SLC1A5: variants seen among roughly 807,000 people sequenced by gnomAD.
SLC1A5 encodes solute carrier family 1 member 5.
In SLC1A5, 25 loss-of-function variants were observed where a neutral mutation model predicts 34.9. The observed-to-expected ratio is 0.72, with a 90% CI of 0.52 to 1.00. The LOEUF is 1.00. Among genes scored for constraint, SLC1A5 ranks in the 50% least tolerant of loss-of-function variants. The pLI, the probability that SLC1A5 is intolerant of heterozygous loss-of-function variation, is 0.00. For missense variants in SLC1A5, 637 were observed against 740.0 expected (o/e 0.86, Z 1.61); for synonymous variants, 351 against 341.2 (o/e 1.03, Z -0.32).
chr19:46,787,474 G>A lies in SLC1A5; in HGVS notation c.492C>T (p.Ala164=). Residue 164 remains alanine, a synonymous_variant, in exon 1 of 8, where the codon GCC becomes GCT. Transcript: ENST00000542575. This position sits in a 1 kb window ranked among gnomAD's most constrained non-coding sequence, Gnocchi z 5.2. ...CGGCACTGCCCGCGGCTCCCACGGA[G>A]GCGTTGATGGCGGCGGAGGCGGCGC... ...QPGAASAAIN[A]SVGAAGSAEN... is the part of the protein sequence containing the mutation. 6.3e-7 allele frequency: 1 copy of A among 1,593,444 alleles called. No homozygotes were observed. The highest frequency in any genetic ancestry group is 8.5e-7 in the Non-Finnish European group (1 of 1,170,918).
intron 4 of SLC1A5, among the ~76,000 whole-genome samples, chr19:46,780,095 G>C (rs1472875114): frequency 2.6e-5 from 4 of 152,040 alleles, no homozygotes; most frequent in Non-Finnish European, 5.9e-5. Flanking sequence ...CTCGTGATCT[G>C]CCTGCCTCAG....
intron 7 of SLC1A5, 89 bp from the exon 8 acceptor site, chr19:46,775,836 T>C: frequency 6.0e-6 from 8 of 1,326,416 alleles, no homozygotes; most frequent in South Asian, 1.6e-5. Flanking sequence ...CCTGCCTCTC[T>C]CCCCCTGGAA....
intron 7 of SLC1A5, chr19:46,776,543 T>A (rs993215302): frequency 6.1e-6 from 1 of 163,100 alleles, no homozygotes; most frequent in Admixed American, 5.8e-5. Context: ...AGCTTAATCG[T>A]GATAGCAAAT....
chr19:46,787,552 G>A lies in SLC1A5; in HGVS notation c.414C>T (p.Thr138=). 1 of 1,572,108 alleles carries A rather than the reference G, an allele frequency of 6.4e-7. No individual in the cohort carries two copies. Reference sequence around the variant, plus strand: ...CTCCGAGCGCCGACGCCAGCAGCGTGGTGACCAGGAAAAAGAGCAGCGCCC... The same window carrying A: ...CTCCGAGCGCCGACGCCAGCAGCGTAGTGACCAGGAAAAAGAGCAGCGCCC... ...GAWALLFFLV[T]TLLASALGVG... Residue 138 remains threonine, a synonymous_variant, in exon 1 of 8, where the codon ACC becomes ACT. Coordinates refer to ENST00000542575, the MANE Select transcript of SLC1A5 (RefSeq NM_005628.3). The surrounding 1 kb of genome is among the most constrained non-coding windows in gnomAD (Gnocchi z 5.2).
In SLC1A5 at chr19:46,787,718, G is replaced by A. The variant is rs1429327591; in HGVS notation, c.248C>T (p.Pro83Leu). The A allele has an allele frequency of 1.5e-5, 24 of 1,573,930 alleles. No homozygotes were observed. The highest frequency in any genetic ancestry group is 2.1e-5 in the Non-Finnish European group (24 of 1,164,582). Reference sequence around the variant, plus strand: ...GAAGACGAAGGCGCTCAAGCGCTCCGGGCCCAACGCCAGCGCACCCCCGGC... The same window carrying A: ...GAAGACGAAGGCGCTCAAGCGCTCCAGGCCCAACGCCAGCGCACCCCCGGC... ...SGAGGALALG[P>L]ERLSAFVFPG... The change falls in exon 1 of 8, where the codon CCG becomes CTG. Residue 83 changes from proline to leucine, a missense_variant. Physicochemically the swap from Pro to Leu is moderately conservative, Grantham distance 98. Coordinates refer to ENST00000542575, the MANE Select transcript of SLC1A5 (RefSeq NM_005628.3). This position sits in a 1 kb window ranked among gnomAD's most constrained non-coding sequence, Gnocchi z 5.2.
rs759854931 is a variant in SLC1A5 at position 46,782,560 on chromosome 19, G to A, written c.658-11C>T. 3.1e-6 allele frequency: 5 copies of A among 1,613,686 alleles called. No homozygotes were observed. The highest frequency in any genetic ancestry group is 3.4e-6 in the Non-Finnish European group (4 of 1,179,960). Reference sequence around the variant, plus strand: ...CTGCCCCACGGGCACCTGTGGGCAAGGAACAGATCGGGGTGGAAAGGACAC... The same window carrying A: ...CTGCCCCACGGGCACCTGTGGGCAAAGAACAGATCGGGGTGGAAAGGACAC... On this transcript the variant is annotated splice_polypyrimidine_tract_variant and intron_variant, in intron 3 of 7. Transcript: ENST00000542575.
intron 1 of SLC1A5, chr19:46,784,857 C>CG: frequency 7.2e-7 from 1 of 1,382,076 alleles, no homozygotes; most frequent in Non-Finnish European, 9.3e-7. Context: ...CAGGTCGCCC[C>CG]GGGCCTCAGC....
At chr19:46,777,137 G>A in intron 6 of SLC1A5, 28 bp from the exon 7 acceptor site, 2 of 1,611,390 alleles carry the variant, frequency 1.2e-6, no homozygotes, top group Non-Finnish European at 1.7e-6. Flanking sequence ...AGGTTAGGCA[G>A]ATGCCTGTCT....
At position 46,774,919 on chromosome 19, in the gene SLC1A5, AT is replaced by A. The variant is rs2055070260; in HGVS notation, c.*590del. The A allele has an allele frequency of 1.2e-5, 12 of 985,906 alleles. No individual in the cohort carries two copies. The highest frequency in any genetic ancestry group is 1.4e-5 in the Non-Finnish European group (12 of 829,998). The allele number at this position is 985,906 out of a possible 1,614,324, so 61.1% of individuals were successfully genotyped here. ...ACACTCAATTTTATTGCTAAAAAAA[AT>A]GTCCTCTGGAGTGACAGCAGGTATT... is the stretch of plus-strand genomic sequence containing the variant. On this transcript the variant is annotated 3_prime_UTR_variant, in exon 8 of 8. Coordinates refer to ENST00000542575, the MANE Select transcript of SLC1A5 (RefSeq NM_005628.3).
chr19:46,783,151 G>A (rs1453026908), intron 3 of SLC1A5, among the ~76,000 whole-genome samples: 1 of 152,146 alleles, frequency 6.6e-6, no homozygotes, highest in African/African-American at 2.4e-5. Flanking sequence ...TGCAGAGATA[G>A]GGTCACATTT....
chr19:46,775,798 G>A (rs767323708), intron 7 of SLC1A5, 51 bp from the exon 8 acceptor site: 3 of 1,568,736 alleles, frequency 1.9e-6, no homozygotes, highest in African/African-American at 2.7e-5. Flanking sequence ...GAGGGTGAGA[G>A]GGAAGGAAAG....
At chr19:46,776,726 A>C in intron 7 of SLC1A5, 2 of 439,662 alleles carry the variant, frequency 4.5e-6, no homozygotes, top group Non-Finnish European at 8.1e-6. Flanking sequence ...TGGGATGTGA[A>C]CCTGAGCAGT....
At chr19:46,778,634 G>A (rs776903294) in intron 5 of SLC1A5, 41 bp downstream of exon 5, 4 of 1,373,238 alleles carry the variant, frequency 2.9e-6, no homozygotes, top group South Asian at 1.2e-5. Context: ...ATGCCGCTTA[G>A]CGGATTAAAC....
At position 46,775,088 on chromosome 19, in the gene SLC1A5, C is replaced by G. The variant is rs2055073495; in HGVS notation, c.*422G>C. Reference sequence around the variant, plus strand: ...ACACACACACACACACACACACACACACGTGCACACACACATCCCCCCACA... The same window carrying G: ...ACACACACACACACACACACACACAGACGTGCACACACACATCCCCCCACA... On this transcript the variant is annotated 3_prime_UTR_variant, in exon 8 of 8. Transcript: ENST00000542575. 5 of 1,015,834 alleles carry G rather than the reference C, an allele frequency of 4.9e-6. No individual in the cohort carries two copies. Among genetic ancestry groups the G allele is most frequent in the Non-Finnish European group, 4.7e-6 (4 of 848,792 alleles). 62.9% of individuals were successfully genotyped at this position (1,015,834 alleles called of 1,614,324 possible).
chr19:46,783,100 T>C (rs561054212), intron 3 of SLC1A5, among the ~76,000 whole-genome samples: 1 of 152,246 alleles, frequency 6.6e-6, no homozygotes, highest in Admixed American at 6.5e-5. Flanking sequence ...GACTGGACTT[T>C]CTCCTGAAGG....
Position 46,775,558 on chromosome 19 carries a change from C to A in SLC1A5, c.1578G>T (p.Gly526=). The A allele has an allele frequency of 6.2e-7, 1 of 1,613,962 alleles. No individual in the cohort carries two copies. Among genetic ancestry groups the A allele is most frequent in the Non-Finnish European group, 8.5e-7 (1 of 1,179,912 alleles). Residue 526 remains glycine, a synonymous_variant, in exon 8 of 8, where the codon GGG becomes GGT. Coordinates refer to ENST00000542575, the MANE Select transcript of SLC1A5 (RefSeq NM_005628.3). ...AGGCGACCGTGGCATCCCCTGCGGGCCCCCGATAGTGTTTGAGGAGGGGGT... is the reference window on the plus strand; with the variant it reads ...AGGCGACCGTGGCATCCCCTGCGGGACCCCGATAGTGTTTGAGGAGGGGGT... ...EGNPLLKHYR[G]PAGDATVASE... is the part of the protein sequence containing the mutation.
Position 46,787,680 on chromosome 19 carries a change from G to T in SLC1A5, c.286C>A (p.Leu96Met). 6.3e-7 allele frequency: 1 copy of T among 1,592,614 alleles called. No individual in the cohort carries two copies. ...LSAFVFPGEL[L>M]LRLLRMIILP... ...ATGATCATCCGCAGCAGACGCAGCA[G>T]CAGCTCGCCCGGGAAGACGAAGGCG... Residue 96 changes from leucine (L) to methionine (M), a missense_variant, in exon 1 of 8, where the codon CTG (leucine) becomes ATG (methionine). Transcript: ENST00000542575. This position sits in a 1 kb window ranked among gnomAD's most constrained non-coding sequence, Gnocchi z 5.2.
chr19:46,782,087 G>C (rs1393443205), intron 4 of SLC1A5, among the ~76,000 whole-genome samples: 1 of 152,044 alleles, frequency 6.6e-6, no homozygotes, highest in Non-Finnish European at 1.5e-5. Flanking sequence ...GTAGAGATGG[G>C]GTTTCACCAT....
Position 46,788,137 on chromosome 19 carries a change from G to A in SLC1A5, c.-172C>T. Reference sequence around the variant, plus strand: ...CAGCACTGAAGTTCCTTGGCTCTTGGAAGCTGGAGTGTTTAAATTCCCCAG... The same window carrying A: ...CAGCACTGAAGTTCCTTGGCTCTTGAAAGCTGGAGTGTTTAAATTCCCCAG... On this transcript the variant is annotated 5_prime_UTR_variant, in exon 1 of 8. Transcript: ENST00000542575. 1.6e-6 allele frequency: 1 copy of A among 609,412 alleles called. No individual in the cohort carries two copies. Among genetic ancestry groups the A allele is most frequent in the Non-Finnish European group, 2.8e-6 (1 of 358,228 alleles). The allele number at this position is 609,412 out of a possible 1,614,324, so 37.8% of individuals were successfully genotyped here.
Sources: gnomAD v4.1 joint callset for allele counts (sites outside exome capture counted in the v4.1 genomes callset) on GRCh38, gnomAD v4.1.1 for gene constraint, Gnocchi (gnomAD v3.1) non-coding constraint, MANE v1.5 for transcripts, NCBI Gene and HGNC (gene_info 2026-07-23, HGNC 2026-07-21) for gene names.